Variants in WEE1 observed in about 807,000 individuals in gnomAD.
WEE1 encodes the protein WEE1 G2 checkpoint kinase.
In WEE1, 16 loss-of-function variants were observed where a neutral mutation model predicts 68.8. That is an observed-to-expected ratio of 0.23 (90% confidence interval 0.16 to 0.35). WEE1 has a LOEUF of 0.35. Among genes scored for constraint, WEE1 ranks in the 10% least tolerant of loss-of-function variants. The pLI is 1.00. For missense variants in WEE1, 651 were observed against 824.1 expected (o/e 0.79, Z 2.57); for synonymous variants, 349 against 318.7 (o/e 1.09, Z -1.01).
intron 5 of WEE1, chr11:9,580,236 G>A (rs1849610394): frequency 1.0e-5 from 1 of 99,180 alleles, no homozygotes; most frequent in Non-Finnish European, 2.9e-5. Context: ...AGAAGAGTGT[G>A]TGTGTGTGTG....
In WEE1 at chr11:9,574,642, G is replaced by T. The variant is rs947855626; in HGVS notation, c.576+133G>T. 3 of 1,116,956 alleles carry T rather than the reference G, an allele frequency of 2.7e-6. No homozygotes were observed. In the African/African-American group the frequency reaches 5.0e-5, roughly 18 times the overall value. 69.2% of individuals were successfully genotyped at this position (1,116,956 alleles called of 1,614,324 possible). A position where few individuals can be genotyped will look rare whatever the true frequency, so the allele number is the denominator to read the frequency against. ...TTTCCTGCGCCGCCCCCCAAAGTTG[G>T]CAGCCCTTGTGTTTGGCCCTGCCCC... On this transcript the variant is annotated intron_variant, in intron 1 of 10. Coordinates refer to ENST00000450114, the MANE Select transcript of WEE1 (RefSeq NM_003390.4). This position sits in a 1 kb window ranked among gnomAD's most constrained non-coding sequence, Gnocchi z 4.9.
At chr11:9,581,251 A>AT (rs1243486412) in intron 5 of WEE1, 3 of 289,328 alleles carry the variant, frequency 1.0e-5, no homozygotes, top group Non-Finnish European at 1.9e-5. Flanking sequence ...ACAAAAAAAA[A>AT]GCCAACCTGA....
chr11:9,581,300 C>A, intron 5 of WEE1: 1 of 427,140 alleles, frequency 2.3e-6, no homozygotes, highest in East Asian at 4.1e-5. Context: ...AGGTGGATTG[C>A]TGAGGTGTAT....
In WEE1 at chr11:9,588,607, C is replaced by T. The variant is rs376918551; in HGVS notation, c.*5C>T. The stretch of plus-strand genomic sequence containing the variant: ...GTCAGCCTTACTATATACTGAGCTA[C>T]TCCTTTCCCACCTCCCCCTGAACAC... On this transcript the variant is annotated 3_prime_UTR_variant, in exon 11 of 11. Transcript: ENST00000450114. The T allele has an allele frequency of 3.2e-6, 5 of 1,557,940 alleles. No homozygotes were observed. The highest frequency in any genetic ancestry group is 4.3e-6 in the Non-Finnish European group (5 of 1,158,380).
intron 1 of WEE1, 130 bp from the exon 2 acceptor site, chr11:9,575,758 C>CT: frequency 1.4e-6 from 1 of 732,466 alleles, no homozygotes; most frequent in Non-Finnish European, 2.2e-6. Context: ...TGCTTGAACT[C>CT]TAACAAAGGC....
At chr11:9,585,971 AGT>A (rs1241830609) in intron 8 of WEE1, among the ~76,000 whole-genome samples, 2 of 152,246 alleles carry the variant, frequency 1.3e-5, no homozygotes, top group Admixed American at 6.5e-5. Context: ...GTTTCAAAAG[AGT>A]GTGACAGTAT....
chr11:9,580,148 A>C (rs1849608610), intron 5 of WEE1: 1 of 152,230 alleles, frequency 6.6e-6, no homozygotes, highest in African/African-American at 2.4e-5. Context: ...ACATTTATAG[A>C]CTTGTCAAGG....
chr11:9,580,058 A>T (rs772839153), intron 5 of WEE1: 1 of 152,254 alleles, frequency 6.6e-6, no homozygotes, highest in South Asian at 2.1e-4. Flanking sequence ...AACTAATTCT[A>T]TAAAAGCAGG....
At chr11:9,578,884 TTTATTTATTTA>T (rs1565088163) in intron 5 of WEE1, 16 of 30,076 alleles carry the variant, frequency 5.3e-4, no homozygotes, top group African/African-American at 1.7e-3. Context: ...TAAGTTTTTA[TTTATTTATTTA>T]TTTATTTATT....
Position 9,581,551 on chromosome 11 carries a change from T to A in WEE1, c.1161T>A (p.Ala387=), listed in dbSNP as rs759035164. The change falls in exon 6 of 11, where the codon GCT becomes GCA. Residue 387 remains alanine (A), a synonymous_variant. Coordinates refer to ENST00000450114, the MANE Select transcript of WEE1 (RefSeq NM_003390.4). ...EYCNGGSLAD[A]ISENYRIMSY... ...TGTTAGGTGGAAGTTTAGCTGATGC[T>A]ATAAGTGAAAACTACAGAATCATGA... is the stretch of plus-strand genomic sequence containing the variant. The A allele has an allele frequency of 6.2e-7, 1 of 1,600,774 alleles. No homozygotes were observed. Among genetic ancestry groups the A allele is most frequent in the Admixed American group, 1.8e-5 (1 of 55,192 alleles).
chr11:9,574,932 C>T lies in WEE1; in HGVS notation c.576+423C>T. Reference sequence around the variant, plus strand: ...GGGCCTGTAATTTGGGCGGCGCGGGCAGAAGGAGTTTAAAGAAAAATAATT... The same window carrying T: ...GGGCCTGTAATTTGGGCGGCGCGGGTAGAAGGAGTTTAAAGAAAAATAATT... On this transcript the variant is annotated intron_variant, in intron 1 of 10. Coordinates refer to ENST00000450114, the MANE Select transcript of WEE1 (RefSeq NM_003390.4). The surrounding 1 kb of genome is among the most constrained non-coding windows in gnomAD (Gnocchi z 4.9). 1.0e-6 allele frequency: 1 copy of T among 985,788 alleles called. No homozygotes were observed. Among genetic ancestry groups the T allele is most frequent in the Non-Finnish European group, 1.2e-6 (1 of 830,186 alleles). 61.1% of individuals were successfully genotyped at this position (985,788 alleles called of 1,614,324 possible).
At position 9,574,761 on chromosome 11, in the gene WEE1, G is replaced by C. The variant is rs1486533239; in HGVS notation, c.576+252G>C. 5 of 1,023,286 alleles carry C rather than the reference G, an allele frequency of 4.9e-6. No individual in the cohort carries two copies. Among genetic ancestry groups the C allele is most frequent in the Non-Finnish European group, 4.7e-6 (4 of 855,198 alleles). 63.4% of individuals were successfully genotyped at this position (1,023,286 alleles called of 1,614,324 possible). A position where few individuals can be genotyped will look rare whatever the true frequency, so the allele number is the denominator to read the frequency against. ...CGATCGGCCCGTCCGGGTGGCCAAG[G>C]ATTTGCCGCCCGTTGAGTCCGGGCC... is the stretch of plus-strand genomic sequence containing the variant. On this transcript the variant is annotated intron_variant, in intron 1 of 10. Transcript: ENST00000450114. This position sits in a 1 kb window ranked among gnomAD's most constrained non-coding sequence, Gnocchi z 4.9.
rs769467349 is a variant in WEE1 at position 9,575,960 on chromosome 11, A to G, written c.649A>G (p.Thr217Ala). The change falls in exon 2 of 11, where the codon ACA (threonine) becomes GCA (alanine). Residue 217 changes from threonine to alanine, a missense_variant. This residue lies in a region of WEE1 where 395 missense variants were observed against 378.4 expected (regional missense o/e 1.04). Coordinates refer to ENST00000450114, the MANE Select transcript of WEE1 (RefSeq NM_003390.4). Reference protein sequence around the residue: ...KLRGSSLFMDTEKSGKREFDV... With the variant: ...KLRGSSLFMDAEKSGKREFDV... Reference sequence around the variant, plus strand: ...CCGGGGTAGTTCTCTCTTCATGGATACAGAAAAATCAGGAAAAAGGGAATT... The same window carrying G: ...CCGGGGTAGTTCTCTCTTCATGGATGCAGAAAAATCAGGAAAAAGGGAATT... The G allele has an allele frequency of 6.2e-7, 1 of 1,614,190 alleles. No homozygotes were observed. The highest frequency in any genetic ancestry group is 2.2e-5 in the East Asian group (1 of 44,880).
chr11:9,574,873 C>T lies in WEE1; in HGVS notation c.576+364C>T. On this transcript the variant is annotated intron_variant, in intron 1 of 10. Transcript: ENST00000450114. This position sits in a 1 kb window ranked among gnomAD's most constrained non-coding sequence, Gnocchi z 4.9. ...GTGCCGGCCCGGCCACCTGACACTC[C>T]CGAGCCATAGGATGCCTTTTAAACG... 1 of 988,194 alleles carries T rather than the reference C, an allele frequency of 1.0e-6. No individual in the cohort carries two copies. The highest frequency in any genetic ancestry group is 1.7e-5 in the African/African-American group (1 of 57,494). The allele number at this position is 988,194 out of a possible 1,614,324, so 61.2% of individuals were successfully genotyped here. A position where few individuals can be genotyped will look rare whatever the true frequency, so the allele number is the denominator to read the frequency against.
In WEE1 at chr11:9,576,456, A is replaced by T. The variant is rs369145678; in HGVS notation, c.847-31A>T. ...GAAATAACTGTTTTCGTATATTTGT[A>T]TTACATATATGGAAACACTTTTTAT... is the stretch of plus-strand genomic sequence containing the variant. On this transcript the variant is annotated intron_variant, in intron 3 of 10. Coordinates refer to ENST00000450114, the MANE Select transcript of WEE1 (RefSeq NM_003390.4). This position sits in a 1 kb window ranked among gnomAD's most constrained non-coding sequence, Gnocchi z 4.3. The T allele has an allele frequency of 6.3e-6, 10 of 1,596,666 alleles. No individual in the cohort carries two copies. The highest frequency in any genetic ancestry group is 8.5e-6 in the Non-Finnish European group (10 of 1,171,968).
chr11:9,586,819 T>C lies in WEE1; in HGVS notation c.1750T>C (p.Leu584=), dbSNP rs1381497839. ...GAGTGCAGAACAATTACGAATAGAA[T>C]TGAATGCCGAAAAGTTCAAAAATTC... is the stretch of plus-strand genomic sequence containing the variant. ...RKSAEQLRIE[L]NAEKFKNSLL... Residue 584 remains leucine (L), a synonymous_variant, in exon 10 of 11, where the codon TTG becomes CTG. Transcript: ENST00000450114. 3.1e-6 allele frequency: 5 copies of C among 1,612,102 alleles called. No individual in the cohort carries two copies. Among genetic ancestry groups the C allele is most frequent in the Non-Finnish European group, 4.2e-6 (5 of 1,179,580 alleles).
chr11:9,575,827 T>G, intron 1 of WEE1, 61 bp from the exon 2 acceptor site: 26 of 1,495,338 alleles, frequency 1.7e-5, no homozygotes, highest in Non-Finnish European at 2.2e-5. Context: ...AAGGTTAGGT[T>G]GAGAAGGCTG....
In WEE1 at chr11:9,589,843, C is replaced by CTATT; in HGVS notation, c.*1242_*1245dup. ...TAAAATGTATAGTGTGTATAATGTA[C>CTATT]TATTATAAAAGCAGAGGGCACATTT... On this transcript the variant is annotated 3_prime_UTR_variant, in exon 11 of 11. Coordinates refer to ENST00000450114, the MANE Select transcript of WEE1 (RefSeq NM_003390.4). 1 of 518,656 alleles carries CTATT rather than the reference C, an allele frequency of 1.9e-6. No homozygotes were observed. The highest frequency in any genetic ancestry group is 2.5e-6 in the Non-Finnish European group (1 of 403,252). 32.1% of individuals were successfully genotyped at this position (518,656 alleles called of 1,614,324 possible). A position where few individuals can be genotyped will look rare whatever the true frequency, so the allele number is the denominator to read the frequency against.
intron 6 of WEE1, among the ~76,000 whole-genome samples, chr11:9,583,228 G>C (rs942872419): frequency 7.2e-5 from 11 of 152,142 alleles, no homozygotes; most frequent in African/African-American, 2.6e-4. Flanking sequence ...CAGAAGAATT[G>C]CTTGAACCCG....
Sources: allele counts gnomAD v4.1 joint callset (sites outside exome capture counted in the v4.1 genomes callset), GRCh38; gene constraint gnomAD v4.1.1; regional missense constraint gnomAD v4.1.1; non-coding constraint Gnocchi (gnomAD v3.1); transcripts MANE v1.5; gene names NCBI Gene and HGNC (gene_info 2026-07-23, HGNC 2026-07-21).